Variants in ABI3BP observed in about 807,000 individuals in gnomAD.
ABI3BP encodes ABI family member 3 binding protein.
Under a neutral mutation model 268.6 loss-of-function variants are expected in ABI3BP, and 216 were observed. The observed-to-expected ratio is 0.80, with a 90% CI of 0.72 to 0.90. The LOEUF is 0.90. ABI3BP is among the 40% of genes least tolerant of loss of function. The probability of loss-of-function intolerance (pLI) is 0.00; values close to 1 mark genes in which losing one functional copy is unlikely to be tolerated. For missense variants in ABI3BP, 2,090 were observed against 2,182.4 expected (o/e 0.96, Z 0.84); for synonymous variants, 730 against 730.0 (o/e 1.00, Z 0.00).
chr3:100,759,836 T>C (rs2095844010), intron 63 of ABI3BP, among the ~76,000 whole-genome samples: 2 of 152,192 alleles, frequency 1.3e-5, no homozygotes, highest in Admixed American at 6.5e-5. Context: ...TACCACAAAC[T>C]AAATAAAATG....
At chr3:100,884,610 T>C (rs1370160) in intron 6 of ABI3BP, among the ~76,000 whole-genome samples, 107,951 of 151,822 alleles carry the variant, frequency 0.71, 39,666 homozygotes, top group Non-Finnish European at 0.8. Context: ...GGCTATTCTG[T>C]GGACTCCTTA....
intron 20 of ABI3BP, among the ~76,000 whole-genome samples, chr3:100,845,089 G>A (rs2098751843): frequency 6.6e-6 from 1 of 152,124 alleles, no homozygotes; most frequent in Non-Finnish European, 1.5e-5. Context: ...ATTCATTTGA[G>A]AGAAACCTTA....
Position 100,934,789 on chromosome 3 carries a change from G to T in ABI3BP, c.80-8308C>A, listed in dbSNP as rs142250987. Among the ~76,000 whole-genome samples the T allele has an allele frequency of 3.2e-4, 49 of 152,256 alleles. No individual in the cohort carries two copies. In the East Asian group the frequency reaches 9.5e-3, roughly 29 times the overall value. On this transcript the variant is annotated intron_variant, in intron 1 of 67. Coordinates refer to ENST00000471714, the MANE Select transcript of ABI3BP (RefSeq NM_001375547.2). The stretch of plus-strand genomic sequence containing the variant: ...TGGCTGCATAAATGTCTTCTTTTGA[G>T]AAGTGTCTGTTCATATCCTTCACCC...
At chr3:100,779,522 T>C (rs2096805706) in intron 58 of ABI3BP, among the ~76,000 whole-genome samples, 1 of 152,334 alleles carries the variant, frequency 6.6e-6, no homozygotes, top group African/African-American at 2.4e-5. Context: ...ATATCTTTTT[T>C]TGGCATAACA....
chr3:100,966,289 C>G (rs1338441945), intron 1 of ABI3BP, among the ~76,000 whole-genome samples: 2 of 152,192 alleles, frequency 1.3e-5, no homozygotes, highest in East Asian at 3.8e-4. Flanking sequence ...AGGGTAAGAC[C>G]TTCATCCATC....
intron 2 of ABI3BP, among the ~76,000 whole-genome samples, chr3:100,921,520 A>G (rs981191688): frequency 6.6e-6 from 1 of 152,160 alleles, no homozygotes; most frequent in African/African-American, 2.4e-5. Context: ...GTGAGTAAAA[A>G]AAAAAAAGAC....
In ABI3BP at chr3:100,903,858, A is replaced by T. The variant is rs954332134; in HGVS notation, c.260-1172T>A. On this transcript the variant is annotated intron_variant, in intron 2 of 67. Transcript: ENST00000471714. ...CGAATAAAGTAACTTAGGCAGCCTGATGAACTCACCTCAGAGCTTTGCCTC... is the reference window on the plus strand; with the variant it reads ...CGAATAAAGTAACTTAGGCAGCCTGTTGAACTCACCTCAGAGCTTTGCCTC... Among the ~76,000 whole-genome samples the T allele has an allele frequency of 2.0e-5, 3 of 152,184 alleles. No individual in the cohort carries two copies. The East Asian group carries it at 5.8e-4, about 29-fold the overall frequency.
intron 1 of ABI3BP, among the ~76,000 whole-genome samples, chr3:100,947,981 T>C (rs1056682691): frequency 2.0e-5 from 3 of 151,994 alleles, no homozygotes; most frequent in South Asian, 2.1e-4. Flanking sequence ...AGTGTGCATA[T>C]TGGGTGAAGA....
At chr3:100,782,889 A>G (rs2096911422) in intron 57 of ABI3BP, among the ~76,000 whole-genome samples, 1 of 152,162 alleles carries the variant, frequency 6.6e-6, no homozygotes, top group African/African-American at 2.4e-5. Flanking sequence ...TCCCTCAGGC[A>G]GGATTAACCA....
chr3:100,813,166 C>T, intron 45 of ABI3BP, among the ~76,000 whole-genome samples: 1 of 152,266 alleles, frequency 6.6e-6, no homozygotes, highest in Admixed American at 6.5e-5. Context: ...CAGGTGTGAG[C>T]CACTATGCCT....
At chr3:100,759,036 A>G (rs1160838995) in intron 63 of ABI3BP, among the ~76,000 whole-genome samples, 3 of 152,208 alleles carry the variant, frequency 2.0e-5, no homozygotes, top group African/African-American at 4.8e-5. Flanking sequence ...GAACTGAAGT[A>G]AAGTTTTCAT....
At chr3:100,836,806 T>C (rs931169293) in intron 27 of ABI3BP, among the ~76,000 whole-genome samples, 49 of 152,228 alleles carry the variant, frequency 3.2e-4, no homozygotes, top group Admixed American at 5.9e-4. Flanking sequence ...ATCCATAAAT[T>C]GTACCCACAA....
At chr3:100,893,122 T>C (rs1241239864) in intron 4 of ABI3BP, among the ~76,000 whole-genome samples, 1 of 152,204 alleles carries the variant, frequency 6.6e-6, no homozygotes. Context: ...GTCTTCTAGC[T>C]TCCATCTTTC....
chr3:100,899,439 A>G (rs1191956686), intron 3 of ABI3BP, among the ~76,000 whole-genome samples: 1 of 152,238 alleles, frequency 6.6e-6, no homozygotes, highest in Admixed American at 6.5e-5. Context: ...TAGTAAGTAT[A>G]TATTTTACAA....
intron 6 of ABI3BP, among the ~76,000 whole-genome samples, chr3:100,881,884 C>T (rs1215557523): frequency 2.0e-5 from 3 of 152,128 alleles, no homozygotes; most frequent in Non-Finnish European, 2.9e-5. Context: ...AAGAGATTCC[C>T]TGCTATATGT....
At chr3:100,782,673 C>T (rs2096905727) in intron 57 of ABI3BP, among the ~76,000 whole-genome samples, 1 of 151,982 alleles carries the variant, frequency 6.6e-6, no homozygotes, top group South Asian at 2.1e-4. Flanking sequence ...GACTAGTGAA[C>T]ATCTCTTGCC....
intron 2 of ABI3BP, chr3:100,911,524 T>G (rs1158035573): frequency 3.8e-6 from 2 of 531,870 alleles, no homozygotes; most frequent in Non-Finnish European, 6.9e-6. Flanking sequence ...CCTTAATTCC[T>G]CTTGTAATGA....
rs1193554316 is a variant in ABI3BP, at chr3:100,824,932, GT to G, written c.2671del (p.Thr891HisfsTer31). The stretch of plus-strand genomic sequence containing the variant: ...ACGTGGAGGGCGGGTTCTTTTTGAT[GT>G]TTTGGTAGCTGAAGGAAGAAAAAGC... ...EIPATTLATK[T>X]SKRTRPPRPR... On this transcript the variant is annotated frameshift_variant, in exon 36 of 68. Transcript: ENST00000471714. LOFTEE classifies it high-confidence loss of function. 4.5e-5 allele frequency: 69 copies of G among 1,535,696 alleles called. No homozygotes were observed. Among genetic ancestry groups the G allele is most frequent in the Non-Finnish European group, 5.8e-5 (67 of 1,146,524 alleles).
At chr3:100,977,950 C>T (rs1227248461) in intron 1 of ABI3BP, among the ~76,000 whole-genome samples, 2 of 152,144 alleles carry the variant, frequency 1.3e-5, no homozygotes, top group African/African-American at 2.4e-5. Context: ...ATTCTTCCAG[C>T]CCTTCACTTG....
Sources: allele counts gnomAD v4.1 joint callset (sites outside exome capture counted in the v4.1 genomes callset), GRCh38; gene constraint gnomAD v4.1.1; transcripts MANE v1.5; gene names NCBI Gene and HGNC (gene_info 2026-07-23, HGNC 2026-07-21).